The following KDM4B variants were observed in gnomAD, a reference collection of about 807,000 sequenced individuals.
KDM4B encodes lysine demethylase 4B.
In KDM4B, 32 loss-of-function variants were observed where a neutral mutation model predicts 125.2. The ratio of observed to expected loss-of-function variants is 0.26; its 90% CI spans 0.19 to 0.34. The LOEUF is 0.34. KDM4B is among the 10% of genes least tolerant of loss of function. The pLI is 1.00. For missense variants in KDM4B, 1,190 were observed against 1,577.7 expected (o/e 0.75, Z 4.16); for synonymous variants, 721 against 677.9 (o/e 1.06, Z -0.99).
chr19:5,138,824 C>T (rs1599261251), intron 18 of KDM4B, among the ~76,000 whole-genome samples: 1 of 152,238 alleles, frequency 6.6e-6, no homozygotes, highest in African/African-American at 2.4e-5. Flanking sequence ...AGCAGCAGCT[C>T]CCTCCGCCCA....
chr19:5,076,147 G>T (rs1175613499), intron 7 of KDM4B: 6 of 91,356 alleles, frequency 6.6e-5, no homozygotes, highest in Non-Finnish European at 1.3e-4. Context: ...AGTGACGAGA[G>T]CGGCCACACT....
intron 1 of KDM4B, among the ~76,000 whole-genome samples, chr19:4,998,709 T>C (rs1371329375): frequency 6.6e-6 from 1 of 152,248 alleles, no homozygotes; most frequent in Non-Finnish European, 1.5e-5. Context: ...CTCAGTCGTC[T>C]TGCCTGTCGG....
intron 1 of KDM4B, among the ~76,000 whole-genome samples, chr19:4,973,112 C>A (rs1221720572): frequency 6.6e-6 from 1 of 152,220 alleles, no homozygotes; most frequent in Non-Finnish European, 1.5e-5. Context: ...AAAAATGACT[C>A]ACCTCTTTGA....
intron 2 of KDM4B, among the ~76,000 whole-genome samples, chr19:5,024,082 G>GT (rs1477119619): frequency 6.6e-6 from 1 of 152,154 alleles, no homozygotes; most frequent in African/African-American, 2.4e-5. Context: ...TTTGTCATCA[G>GT]TTTCTGCGTG....
chr19:4,978,169 G>T (rs1019832955), intron 1 of KDM4B, among the ~76,000 whole-genome samples: 2 of 152,108 alleles, frequency 1.3e-5, no homozygotes, highest in African/African-American at 2.4e-5. Flanking sequence ...CCCCAGGAAG[G>T]GGGGACGAGG....
rs1395088216 is a variant in KDM4B, at chr19:5,152,667, T to C, written c.*1156T>C. ...GCTTCTTAGGAGTGGGTTGAGCTGA[T>C]AGAGAAAAAACGGCCTTCAGCCCAG... On this transcript the variant is annotated 3_prime_UTR_variant, in exon 23 of 23. Transcript: ENST00000159111. 6.6e-6 allele frequency: 1 copy of C among 152,206 alleles called. No individual in the cohort carries two copies. Among genetic ancestry groups the C allele is most frequent in the Non-Finnish European group, 1.5e-5 (1 of 68,042 alleles). 9.4% of individuals were successfully genotyped at this position (152,206 alleles called of 1,614,324 possible). A position where few individuals can be genotyped will look rare whatever the true frequency, so the allele number is the denominator to read the frequency against.
intron 7 of KDM4B, 110 bp from the exon 8 acceptor site, chr19:5,077,257 C>A: frequency 1.1e-6 from 1 of 872,856 alleles, no homozygotes; most frequent in South Asian, 1.5e-5. Context: ...TGTGCTCCCA[C>A]ACGCCCGCTC....
chr19:5,062,169 C>T (rs927453813), intron 6 of KDM4B, among the ~76,000 whole-genome samples: 2 of 152,196 alleles, frequency 1.3e-5, no homozygotes, highest in Admixed American at 6.5e-5. Context: ...TTGGTGACAT[C>T]TCCTCTCCCT....
chr19:5,105,714 G>C (rs1323951897), intron 9 of KDM4B, among the ~76,000 whole-genome samples: 1 of 152,248 alleles, frequency 6.6e-6, no homozygotes, highest in Non-Finnish European at 1.5e-5. Flanking sequence ...TGGGATTACA[G>C]GTGTGAGCCA....
chr19:4,987,486 G>T (rs10401471), intron 1 of KDM4B, among the ~76,000 whole-genome samples: 2 of 151,874 alleles, frequency 1.3e-5, no homozygotes, highest in Non-Finnish European at 2.9e-5. Flanking sequence ...GCCGGAGGGG[G>T]GTTATCTCGG....
chr19:4,982,499 T>C (rs1363106449), intron 1 of KDM4B, among the ~76,000 whole-genome samples: 1 of 151,510 alleles, frequency 6.6e-6, no homozygotes, highest in Non-Finnish European at 1.5e-5. Flanking sequence ...TGGATGTATA[T>C]GTAAAATGTT....
intron 9 of KDM4B, among the ~76,000 whole-genome samples, chr19:5,088,833 C>T (rs151246010): frequency 2.2e-4 from 34 of 152,258 alleles, no homozygotes; most frequent in East Asian, 5.8e-4. Flanking sequence ...CTGGGGAATA[C>T]GGTAAACAAA....
In KDM4B at chr19:5,131,139, GCCTGCTGCC is replaced by G. The variant is rs1348317159; in HGVS notation, c.1382_1390del (p.Leu461_Pro463del). The G allele has an allele frequency of 1.3e-6, 2 of 1,541,868 alleles. No homozygotes were observed. Among genetic ancestry groups the G allele is most frequent in the Non-Finnish European group, 1.7e-6 (2 of 1,144,278 alleles). ...AGCGAGCGGAAGAAGAAGAGCTTCG[GCCTGCTGCC>G]CCCACAGCTGCCGCCCCCGCCTGCT... is the stretch of plus-strand genomic sequence containing the variant. On this transcript the variant is annotated inframe_deletion, in exon 12 of 23. Transcript: ENST00000159111.
intron 1 of KDM4B, among the ~76,000 whole-genome samples, chr19:5,014,754 G>C (rs567132090): frequency 6.6e-6 from 1 of 152,018 alleles, no homozygotes; most frequent in African/African-American, 2.4e-5. Context: ...GTACAACTTC[G>C]GGAGGCCGAG....
intron 1 of KDM4B, among the ~76,000 whole-genome samples, chr19:5,003,137 G>A (rs2035445433): frequency 6.6e-6 from 1 of 152,140 alleles, no homozygotes; most frequent in African/African-American, 2.4e-5. Flanking sequence ...TGCGAGGTGG[G>A]GACCTCACTT....
intron 9 of KDM4B, among the ~76,000 whole-genome samples, chr19:5,089,418 G>GT (rs1291445576): frequency 6.6e-6 from 1 of 152,152 alleles, no homozygotes; most frequent in Admixed American, 6.5e-5. Context: ...ACCAGGGGAT[G>GT]GGTTGAACCA....
At position 5,137,287 on chromosome 19, in the gene KDM4B, G is replaced by A. The variant is rs17179181; in HGVS notation, c.2334G>A (p.Leu778=). The A allele has an allele frequency of 0.058, 91,059 of 1,580,370 alleles. 3,037 individuals carry two copies. Among genetic ancestry groups the A allele is most frequent in the Non-Finnish European group, 0.069 (80,240 of 1,163,276 alleles). ...GTTGCTATGGCATCCGTCCCGAGCT[G>A]GTCAATGAAGGCTGGACGTGTTCCC... ...HASCYGIRPE[L]VNEGWTCSRC... Residue 778 remains leucine, a synonymous_variant, in exon 16 of 23, where the codon CTG becomes CTA. Coordinates refer to ENST00000159111, the MANE Select transcript of KDM4B (RefSeq NM_015015.3).
intron 10 of KDM4B, chr19:5,111,837 TAGAC>T (rs2039153970): frequency 1.3e-6 from 1 of 764,948 alleles, no homozygotes; most frequent in South Asian, 1.3e-5. Flanking sequence ...TTGCAGATGA[TAGAC>T]AGCGAAGAAA....
intron 1 of KDM4B, among the ~76,000 whole-genome samples, chr19:4,977,145 C>T (rs1193032536): frequency 6.6e-6 from 1 of 152,126 alleles, no homozygotes; most frequent in Admixed American, 6.6e-5. Context: ...TCTCAGCAAA[C>T]ACGAGGGGAT....
Sources: gnomAD v4.1 joint callset for allele counts (sites outside exome capture counted in the v4.1 genomes callset) on GRCh38, gnomAD v4.1.1 for gene constraint, MANE v1.5 for transcripts, NCBI Gene and HGNC (gene_info 2026-07-23, HGNC 2026-07-21) for gene names.